Variants in SCRT2 observed in about 807,000 individuals in gnomAD.
The protein encoded by SCRT2 is scratch family transcriptional repressor 2, also known as transcriptional repressor scratch 2.
In SCRT2, 2 loss-of-function variants were observed where a neutral mutation model predicts 3.7. The observed-to-expected ratio is 0.54, with a 90% CI of 0.22 to 1.70. The LOEUF (loss-of-function observed/expected upper bound fraction) is 1.70, where lower values mean the gene tolerates loss of function less well. Among genes scored for constraint, SCRT2 ranks in the 40% most tolerant of loss-of-function variants. The pLI is 0.19. For missense variants in SCRT2, 456 were observed against 468.5 expected, an observed-to-expected ratio of 0.97 and a Z score of 0.25; for synonymous variants, 256 against 220.6, an observed-to-expected ratio of 1.16 and a Z score of -1.42.
chr20:671,550 T>C (rs1388469596), intron 1 of SCRT2, among the ~76,000 whole-genome samples: 1 of 152,206 alleles, frequency 6.6e-6, no homozygotes, highest in African/African-American at 2.4e-5. Flanking sequence ...CCAGAGGAGC[T>C]TTCTGAGGTG....
rs545095921 is a variant in SCRT2 at position 662,276 on chromosome 20, G to A, written c.*1395C>T. ...GGTCCCTGGAACCTGGGGTCCCTCG[G>A]GAAGAAGAATAAACAGGAAACAAAT... On this transcript the variant is annotated 3_prime_UTR_variant, in exon 2 of 2. Transcript: ENST00000246104. 1.3e-5 allele frequency: 2 copies of A among 152,916 alleles called. No homozygotes were observed. Among genetic ancestry groups the A allele is most frequent in the African/African-American group, 2.4e-5 (1 of 41,576 alleles). 9.5% of individuals were successfully genotyped at this position (152,916 alleles called of 1,614,324 possible).
chr20:672,710 G>C (rs1366678864), intron 1 of SCRT2, among the ~76,000 whole-genome samples: 3 of 138,444 alleles, frequency 2.2e-5, no homozygotes, highest in Non-Finnish European at 3.1e-5. Flanking sequence ...TCCAGCCCCA[G>C]GCCTCCCCCG....
At position 664,231 on chromosome 20, in the gene SCRT2, G is replaced by T; in HGVS notation, c.364C>A (p.Arg122=). The T allele has an allele frequency of 1.1e-6, 1 of 889,860 alleles. No individual in the cohort carries two copies. Among genetic ancestry groups the T allele is most frequent in the Non-Finnish European group, 1.5e-6 (1 of 651,414 alleles). The allele number at this position is 889,860 out of a possible 1,614,324, so 55.1% of individuals were successfully genotyped here. The part of the protein sequence containing the change: ...FISDGRSRRR[R]GGGGGDAGGS... ...CCCGCGTCCCCGCCGCCCCCGCCCCGCCGCCGCCGCGAGCGCCCGTCCGAG... is the reference window on the plus strand; with the variant it reads ...CCCGCGTCCCCGCCGCCCCCGCCCCTCCGCCGCCGCGAGCGCCCGTCCGAG... The change falls in exon 2 of 2, where the codon CGG becomes AGG. Residue 122 remains arginine (R), a synonymous_variant. Coordinates refer to ENST00000246104, the MANE Select transcript of SCRT2 (RefSeq NM_033129.4). This position sits in a 1 kb window ranked among gnomAD's most constrained non-coding sequence, Gnocchi z 7.9.
At position 663,858 on chromosome 20, in the gene SCRT2, C is replaced by A; in HGVS notation, c.737G>T (p.Gly246Val). Residue 246 changes from glycine to valine, a missense_variant, in exon 2 of 2, where the codon GGC becomes GTC. Coordinates refer to ENST00000246104, the MANE Select transcript of SCRT2 (RefSeq NM_033129.4). The surrounding 1 kb of genome is among the most constrained non-coding windows in gnomAD (Gnocchi z 6.9). ...GEKPFGCAHC[G>V]KAFADRSNLR... ...GTTGGAGCGGTCGGCGAAGGCCTTGCCGCAGTGCGCGCAGCCGAACGGCTT... is the reference window on the plus strand; with the variant it reads ...GTTGGAGCGGTCGGCGAAGGCCTTGACGCAGTGCGCGCAGCCGAACGGCTT... 2 of 1,597,746 alleles carry A rather than the reference C, an allele frequency of 1.3e-6. No individual in the cohort carries two copies. The highest frequency in any genetic ancestry group is 1.7e-6 in the Non-Finnish European group (2 of 1,174,520).
rs527506594 is a variant in SCRT2, at chr20:665,474, C to T, written c.134-1013G>A. Among the ~76,000 whole-genome samples, 12 of 152,346 alleles carry T rather than the reference C, an allele frequency of 7.9e-5. No homozygotes were observed. In the South Asian group the frequency reaches 1.2e-3, roughly 16 times the overall value. ...CCGCAGTGAGAATTCCCCTCCCCCTCCTCCTCCCACTTAGCTGGAGTTGGA... is the reference window on the plus strand; with the variant it reads ...CCGCAGTGAGAATTCCCCTCCCCCTTCTCCTCCCACTTAGCTGGAGTTGGA... On this transcript the variant is annotated intron_variant, in intron 1 of 1. Coordinates refer to ENST00000246104, the MANE Select transcript of SCRT2 (RefSeq NM_033129.4). The surrounding 1 kb of genome is among the most constrained non-coding windows in gnomAD (Gnocchi z 5.0).
rs1227415248 is a variant in SCRT2, at chr20:675,746, C to CGGCTCG, written c.-151_-146dup. On this transcript the variant is annotated 5_prime_UTR_variant, in exon 1 of 2. Transcript: ENST00000246104. The surrounding 1 kb of genome is among the most constrained non-coding windows in gnomAD (Gnocchi z 6.9). ...GAGCCGGCACCGGTGGCGGCGGCCCCGGCTCGGGCTCGGGCTTGGCGGCGG... is the reference window on the plus strand; with the variant it reads ...GAGCCGGCACCGGTGGCGGCGGCCCCGGCTCGGGCTCGGGCTCGGGCTTGGCGGCGG... 223 of 391,614 alleles carry CGGCTCG rather than the reference C, an allele frequency of 5.7e-4. 1 individual carries two copies. The highest frequency in any genetic ancestry group is 4.1e-3 in the African/African-American group (190 of 46,654). The allele number at this position is 391,614 out of a possible 1,614,324, so 24.3% of individuals were successfully genotyped here. A position where few individuals can be genotyped will look rare whatever the true frequency, so the allele number is the denominator to read the frequency against.
Position 665,147 on chromosome 20 carries a change from A to G in SCRT2, c.134-686T>C, listed in dbSNP as rs986884308. Among the ~76,000 whole-genome samples, 8 of 152,358 alleles carry G rather than the reference A, an allele frequency of 5.3e-5. 1 individual carries two copies. The highest frequency in any genetic ancestry group is 2.6e-4 in the Admixed American group (4 of 15,308). On this transcript the variant is annotated intron_variant, in intron 1 of 1. Coordinates refer to ENST00000246104, the MANE Select transcript of SCRT2 (RefSeq NM_033129.4). This position sits in a 1 kb window ranked among gnomAD's most constrained non-coding sequence, Gnocchi z 5.0. ...GAAATGAACAAAGGTGGGGGAGCATACAGTAATTGCTATATAAATGTTAGC... is the reference window on the plus strand; with the variant it reads ...GAAATGAACAAAGGTGGGGGAGCATGCAGTAATTGCTATATAAATGTTAGC...
chr20:664,778 A>G lies in SCRT2; in HGVS notation c.134-317T>C, dbSNP rs78288000. On this transcript the variant is annotated intron_variant, in intron 1 of 1. Coordinates refer to ENST00000246104, the MANE Select transcript of SCRT2 (RefSeq NM_033129.4). This position sits in a 1 kb window ranked among gnomAD's most constrained non-coding sequence, Gnocchi z 7.9. ...TATAATACCCACGCTACAGGTAGAG[A>G]AACTGAGGCGCAGAGAGATGCAGCA... is the stretch of plus-strand genomic sequence containing the variant. Among the ~76,000 whole-genome samples the G allele has an allele frequency of 0.026, 3,970 of 152,316 alleles. 61 individuals carry two copies. Among genetic ancestry groups the G allele is most frequent in the Middle Eastern group, 0.078 (23 of 294 alleles).
intron 1 of SCRT2, among the ~76,000 whole-genome samples, chr20:669,230 A>G (rs184517478): frequency 6.6e-6 from 1 of 152,270 alleles, no homozygotes; most frequent in Admixed American, 6.5e-5. Context: ...AATAACAGTA[A>G]TGCCTATCAC....
At position 664,356 on chromosome 20, in the gene SCRT2, T is replaced by C; in HGVS notation, c.239A>G (p.Glu80Gly). The change falls in exon 2 of 2, where the codon GAG becomes GGG. Residue 80 changes from glutamate to glycine, a missense_variant. Transcript: ENST00000246104. This position sits in a 1 kb window ranked among gnomAD's most constrained non-coding sequence, Gnocchi z 7.9. ...EPAYPPAAPE[E>G]YSDPESPQSS... ...CTGCGGGCTTTCGGGGTCGCTGTACTCCTCCGGCGCCGCCGGCGGGTACGC... is the reference window on the plus strand; with the variant it reads ...CTGCGGGCTTTCGGGGTCGCTGTACCCCTCCGGCGCCGCCGGCGGGTACGC... 1 of 1,469,994 alleles carries C rather than the reference T, an allele frequency of 6.8e-7. No homozygotes were observed. Among genetic ancestry groups the C allele is most frequent in the Non-Finnish European group, 9.1e-7 (1 of 1,099,468 alleles). 91.1% of individuals were successfully genotyped at this position (1,469,994 alleles called of 1,614,324 possible).
At position 664,108 on chromosome 20, in the gene SCRT2, T is replaced by A; in HGVS notation, c.487A>T (p.Thr163Ser). The A allele has an allele frequency of 6.2e-7, 1 of 1,600,664 alleles. No individual in the cohort carries two copies. Residue 163 changes from threonine to serine, a missense_variant, in exon 2 of 2, where the codon ACC becomes TCC. By Grantham distance (58) the Thr-to-Ser change is moderately conservative (BLOSUM62 1). Around this residue, in one of 3 missense-constraint regions of SCRT2, gnomAD observed 306 missense variants for 305.3 expected, o/e 1.00. Transcript: ENST00000246104. The surrounding 1 kb of genome is among the most constrained non-coding windows in gnomAD (Gnocchi z 7.9). The part of the protein sequence containing the change: ...HRHACAECGK[T>S]YATSSNLSRH... ...CTCAGGTTCGACGACGTGGCGTAGGTCTTGCCGCACTCGGCGCACGCGTGC... is the reference window on the plus strand; with the variant it reads ...CTCAGGTTCGACGACGTGGCGTAGGACTTGCCGCACTCGGCGCACGCGTGC...
rs575930442 is a variant in SCRT2, at chr20:671,739, G to T, written c.133+3730C>A. Among the ~76,000 whole-genome samples the T allele has an allele frequency of 7.9e-5, 12 of 152,318 alleles. No individual in the cohort carries two copies. The South Asian group carries it at 2.3e-3, about 29-fold the overall frequency. Reference sequence around the variant, plus strand: ...CTCAGCTTGCTGGGGGAGGCTTAATGTAGCTGCAGAGGGCAGACAACTGTG... The same window carrying T: ...CTCAGCTTGCTGGGGGAGGCTTAATTTAGCTGCAGAGGGCAGACAACTGTG... On this transcript the variant is annotated intron_variant, in intron 1 of 1. Coordinates refer to ENST00000246104, the MANE Select transcript of SCRT2 (RefSeq NM_033129.4).
chr20:670,301 C>G (rs1984290436), intron 1 of SCRT2, among the ~76,000 whole-genome samples: 1 of 152,192 alleles, frequency 6.6e-6, no homozygotes, highest in African/African-American at 2.4e-5. Flanking sequence ...CAGTGCTCCA[C>G]CTCTTCCCCC....
At chr20:674,397 T>TCACACA (rs1191501852) in intron 1 of SCRT2, among the ~76,000 whole-genome samples, 15 of 96,166 alleles carry the variant, frequency 1.6e-4, no homozygotes, top group Admixed American at 3.5e-4. Flanking sequence ...TCTCTCTCTC[T>TCACACA]CTCACACACA....
In SCRT2 at chr20:675,483, G is replaced by T. The variant is rs1568660400; in HGVS notation, c.119C>A (p.Pro40His). 7.4e-7 allele frequency: 1 copy of T among 1,357,398 alleles called. No individual in the cohort carries two copies. Among genetic ancestry groups the T allele is most frequent in the Non-Finnish European group, 9.5e-7 (1 of 1,050,214 alleles). 84.1% of individuals were successfully genotyped at this position (1,357,398 alleles called of 1,614,324 possible). A position where few individuals can be genotyped will look rare whatever the true frequency, so the allele number is the denominator to read the frequency against. Reference sequence around the variant, plus strand: ...GTCCCACTCACCGTTGTCCCCGGGAGGCCCCCGGGCGCCAGGCAGCACGTA... The same window carrying T: ...GTCCCACTCACCGTTGTCCCCGGGATGCCCCCGGGCGCCAGGCAGCACGTA... ...TAYVLPGARG[P>H]PGDNGYAPHR... The change falls in exon 1 of 2, where the codon CCT (proline) becomes CAT (histidine). Residue 40 changes from proline to histidine, a missense_variant. Around this residue, in one of 3 missense-constraint regions of SCRT2, gnomAD observed 306 missense variants for 305.3 expected, o/e 1.00. Coordinates refer to ENST00000246104, the MANE Select transcript of SCRT2 (RefSeq NM_033129.4). The surrounding 1 kb of genome is among the most constrained non-coding windows in gnomAD (Gnocchi z 6.9).
chr20:668,387 A>G (rs1034293918), intron 1 of SCRT2, among the ~76,000 whole-genome samples: 35 of 152,204 alleles, frequency 2.3e-4, no homozygotes, highest in Non-Finnish European at 4.4e-5. Flanking sequence ...AAGAGTGACT[A>G]TAGAAGGCTG....
At position 675,692 on chromosome 20, in the gene SCRT2, C is replaced by T; in HGVS notation, c.-91G>A. Reference sequence around the variant, plus strand: ...CGGGTTTTCAGCACTGGACAGCTCCCAGCGGGCTGGAGCGCGGGAGGCCGC... The same window carrying T: ...CGGGTTTTCAGCACTGGACAGCTCCTAGCGGGCTGGAGCGCGGGAGGCCGC... On this transcript the variant is annotated 5_prime_UTR_variant, in exon 1 of 2. Coordinates refer to ENST00000246104, the MANE Select transcript of SCRT2 (RefSeq NM_033129.4). This position sits in a 1 kb window ranked among gnomAD's most constrained non-coding sequence, Gnocchi z 6.9. 1 of 1,013,772 alleles carries T rather than the reference C, an allele frequency of 9.9e-7. No individual in the cohort carries two copies. The highest frequency in any genetic ancestry group is 1.3e-6 in the Non-Finnish European group (1 of 793,198). 62.8% of individuals were successfully genotyped at this position (1,013,772 alleles called of 1,614,324 possible).
At position 663,884 on chromosome 20, in the gene SCRT2, T is replaced by TTCGCCG. The variant is rs773042402; in HGVS notation, c.705_710dup (p.Gly236_Glu237insAspGly). On this transcript the variant is annotated inframe_insertion, in exon 2 of 2. Coordinates refer to ENST00000246104, the MANE Select transcript of SCRT2 (RefSeq NM_033129.4). The surrounding 1 kb of genome is among the most constrained non-coding windows in gnomAD (Gnocchi z 6.9). The stretch of plus-strand genomic sequence containing the variant: ...CGCAGTGCGCGCAGCCGAACGGCTT[T>TTCGCCG]TCGCCGGTGTGCGAGCGCATGTGAC... 1 of 1,602,816 alleles carries TTCGCCG rather than the reference T, an allele frequency of 6.2e-7. No individual in the cohort carries two copies. The highest frequency in any genetic ancestry group is 8.5e-7 in the Non-Finnish European group (1 of 1,177,014).
At chr20:673,295 C>T (rs951031949) in intron 1 of SCRT2, among the ~76,000 whole-genome samples, 2 of 152,254 alleles carry the variant, frequency 1.3e-5, no homozygotes, top group African/African-American at 4.8e-5. Flanking sequence ...CCTGTGCAGG[C>T]ATCTCCAGTG....
Sources: gnomAD v4.1 joint callset for allele counts (sites outside exome capture counted in the v4.1 genomes callset) on GRCh38, gnomAD v4.1.1 for gene constraint, gnomAD v4.1.1 regional missense constraint, Gnocchi (gnomAD v3.1) non-coding constraint, MANE v1.5 for transcripts, NCBI Gene and HGNC (gene_info 2026-07-23, HGNC 2026-07-21) for gene names.